DEF6: variants seen among roughly 807,000 people sequenced by gnomAD.
The protein encoded by DEF6 is DEF6 guanine nucleotide exchange factor, also known as differentially expressed in FDCP 6 homolog.
Under a neutral mutation model 80.5 loss-of-function variants are expected in DEF6, and 32 were observed. The ratio of observed to expected loss-of-function variants is 0.40; its 90% CI spans 0.30 to 0.53. DEF6 has a LOEUF of 0.53. Among genes scored for constraint, DEF6 ranks in the 20% least tolerant of loss-of-function variants. The pLI, the probability that DEF6 is intolerant of heterozygous loss-of-function variation, is 0.57. For missense variants in DEF6, 575 were observed against 818.7 expected (o/e 0.70, Z 3.63); for synonymous variants, 300 against 337.9 (o/e 0.89, Z 1.23).
chr6:35,299,646 G>C (rs1470689191), intron 1 of DEF6, among the ~76,000 whole-genome samples: 1 of 152,174 alleles, frequency 6.6e-6, no homozygotes, highest in African/African-American at 2.4e-5. Flanking sequence ...ACTGTCCACT[G>C]TCTGTACCTC....
At chr6:35,305,331 A>C (rs545872163) in intron 1 of DEF6, among the ~76,000 whole-genome samples, 1 of 150,578 alleles carries the variant, frequency 6.6e-6, no homozygotes, top group Non-Finnish European at 1.5e-5. Flanking sequence ...TTACAAAAAA[A>C]TTTTTTAACT....
rs1402546273 is a variant in DEF6 at position 35,312,373 on chromosome 6, T to G, written c.495T>G (p.Leu165=). Residue 165 remains leucine, a synonymous_variant, in exon 4 of 11, where the codon CTT becomes CTG. Transcript: ENST00000316637. The surrounding 1 kb of genome is among the most constrained non-coding windows in gnomAD (Gnocchi z 6.6). ...TGAGCTTGGGTGAGCTGGAGGAGCT[T>G]CTGGCCCAGGAGGCCCAGGTGGCCC... is the stretch of plus-strand genomic sequence containing the variant. ...LEVSLGELEE[L]LAQEAQVAQT... The G allele has an allele frequency of 3.7e-6, 6 of 1,614,122 alleles. No homozygotes were observed. In the South Asian group the frequency reaches 5.5e-5, roughly 15 times the overall value.
rs778668461 is a variant in DEF6, at chr6:35,312,616, C to G, written c.661-10C>G. The G allele has an allele frequency of 6.2e-7, 1 of 1,614,062 alleles. No individual in the cohort carries two copies. The highest frequency in any genetic ancestry group is 8.5e-7 in the Non-Finnish European group (1 of 1,180,036). On this transcript the variant is annotated splice_polypyrimidine_tract_variant and intron_variant, in intron 4 of 10. Coordinates refer to ENST00000316637, the MANE Select transcript of DEF6 (RefSeq NM_022047.4). The surrounding 1 kb of genome is among the most constrained non-coding windows in gnomAD (Gnocchi z 6.6). ...GCCTGGGAAGCCTCTGACGTAACTC[C>G]GGCTGGCAGGGCTACCTGTGGAAGC...
chr6:35,300,299 T>TTA (rs1315697939), intron 1 of DEF6, among the ~76,000 whole-genome samples: 1 of 152,196 alleles, frequency 6.6e-6, no homozygotes, highest in African/African-American at 2.4e-5. Context: ...GTAGCTGGAA[T>TTA]TATAGTCTTG....
Position 35,318,573 on chromosome 6 carries a change from G to A in DEF6, c.1215+102G>A. 1.7e-6 allele frequency: 2 copies of A among 1,173,172 alleles called. No individual in the cohort carries two copies. Among genetic ancestry groups the A allele is most frequent in the Non-Finnish European group, 2.2e-6 (2 of 905,990 alleles). 72.7% of individuals were successfully genotyped at this position (1,173,172 alleles called of 1,614,324 possible). ...GCCTGGGCAGAGGGCGGAGCTCCTG[G>A]GTTGAGGGGCGTGCACTGGGGTGGA... On this transcript the variant is annotated intron_variant, in intron 7 of 10. Coordinates refer to ENST00000316637, the MANE Select transcript of DEF6 (RefSeq NM_022047.4). The surrounding 1 kb of genome is among the most constrained non-coding windows in gnomAD (Gnocchi z 5.1).
rs1180794582 is a variant in DEF6 at position 35,321,757 on chromosome 6, T to C, written c.*347T>C. On this transcript the variant is annotated 3_prime_UTR_variant, in exon 11 of 11. Transcript: ENST00000316637. ...TGGAAGCACATTTCTAAATAAAAACTGCTCTTAGAATGAATTATTGGCTCA... is the reference window on the plus strand; with the variant it reads ...TGGAAGCACATTTCTAAATAAAAACCGCTCTTAGAATGAATTATTGGCTCA... 4.9e-6 allele frequency: 1 copy of C among 206,108 alleles called. No homozygotes were observed. The highest frequency in any genetic ancestry group is 9.7e-6 in the Non-Finnish European group (1 of 103,420). The allele number at this position is 206,108 out of a possible 1,614,324, so 12.8% of individuals were successfully genotyped here. A position where few individuals can be genotyped will look rare whatever the true frequency, so the allele number is the denominator to read the frequency against.
At chr6:35,300,116 G>A (rs1445558447) in intron 1 of DEF6, among the ~76,000 whole-genome samples, 1 of 152,134 alleles carries the variant, frequency 6.6e-6, no homozygotes, top group Non-Finnish European at 1.5e-5. Flanking sequence ...CAAACTCCTG[G>A]GTTCAAGCGA....
chr6:35,304,399 C>G (rs995677770), intron 1 of DEF6, among the ~76,000 whole-genome samples: 1 of 152,184 alleles, frequency 6.6e-6, no homozygotes, highest in Non-Finnish European at 1.5e-5. Context: ...TAAGTAAAAA[C>G]AGGGAGGAGG....
Position 35,318,156 on chromosome 6 carries a change from C to T in DEF6, c.917-17C>T, listed in dbSNP as rs775842620. 1 of 1,543,546 alleles carries T rather than the reference C, an allele frequency of 6.5e-7. No individual in the cohort carries two copies. ...CGTGTGCGAGGATCCTACTGACCCG[C>T]TCCCGCTCTTCGGCAGCCATCCAGA... is the stretch of plus-strand genomic sequence containing the variant. On this transcript the variant is annotated splice_polypyrimidine_tract_variant and intron_variant, in intron 6 of 10. Transcript: ENST00000316637. The surrounding 1 kb of genome is among the most constrained non-coding windows in gnomAD (Gnocchi z 5.1).
intron 1 of DEF6, among the ~76,000 whole-genome samples, chr6:35,308,486 A>G (rs1791420996): frequency 6.6e-6 from 1 of 152,014 alleles, no homozygotes; most frequent in African/African-American, 2.4e-5. Context: ...CAGCCTGGCC[A>G]ACATGGTGAA....
intron 5 of DEF6, among the ~76,000 whole-genome samples, chr6:35,315,030 C>G (rs1025015785): frequency 1.3e-5 from 2 of 152,134 alleles, no homozygotes; most frequent in Non-Finnish European, 2.9e-5. Context: ...AAGGACTGTT[C>G]TTTCCCCATT....
In DEF6 at chr6:35,320,881, C is replaced by T; in HGVS notation, c.1582-3C>T. 1.2e-6 allele frequency: 2 copies of T among 1,605,494 alleles called. No individual in the cohort carries two copies. Among genetic ancestry groups the T allele is most frequent in the East Asian group, 2.3e-5 (1 of 44,422 alleles). On this transcript the variant is annotated splice_polypyrimidine_tract_variant and splice_region_variant and intron_variant, in intron 9 of 10. Coordinates refer to ENST00000316637, the MANE Select transcript of DEF6 (RefSeq NM_022047.4). The stretch of plus-strand genomic sequence containing the variant: ...TCACTCCCCACTGGCCCTGTCCCCA[C>T]AGGCTGCCCAGAGAAAACTGCGCCA...
chr6:35,309,053 C>A (rs554472581), intron 1 of DEF6, among the ~76,000 whole-genome samples: 1 of 152,320 alleles, frequency 6.6e-6, no homozygotes, highest in East Asian at 1.9e-4. Context: ...TCTTTGAGCC[C>A]TCTCCTCTCC....
At chr6:35,310,727 G>C in intron 3 of DEF6, 83 bp downstream of exon 3, 5 of 1,434,782 alleles carry the variant, frequency 3.5e-6, no homozygotes, top group Non-Finnish European at 4.9e-6. Flanking sequence ...ACCACCTTTG[G>C]TGCCTTCCCA....
At chr6:35,313,849 G>A (rs925349978) in intron 5 of DEF6, among the ~76,000 whole-genome samples, 1 of 151,930 alleles carries the variant, frequency 6.6e-6, no homozygotes, top group African/African-American at 2.4e-5. Flanking sequence ...TCCACTTCTG[G>A]GCACTTAGGT....
rs1791481546 is a variant in DEF6, at chr6:35,312,519, T to C, written c.641T>C (p.Ile214Thr). Reference sequence around the variant, plus strand: ...ATCCACGAGGTCTACCAGGAGCTCATCCAAGATGTCCTGAAGCAGGTCAGG... The same window carrying C: ...ATCCACGAGGTCTACCAGGAGCTCACCCAAGATGTCCTGAAGCAGGTCAGG... ...MAIHEVYQEL[I>T]QDVLKQGYLW... The change falls in exon 4 of 11, where the codon ATC (isoleucine) becomes ACC (threonine). Residue 214 changes from isoleucine to threonine, a missense_variant. Coordinates refer to ENST00000316637, the MANE Select transcript of DEF6 (RefSeq NM_022047.4). The surrounding 1 kb of genome is among the most constrained non-coding windows in gnomAD (Gnocchi z 6.6). 1 of 1,613,968 alleles carries C rather than the reference T, an allele frequency of 6.2e-7. No individual in the cohort carries two copies. Among genetic ancestry groups the C allele is most frequent in the Non-Finnish European group, 8.5e-7 (1 of 1,180,032 alleles).
chr6:35,318,335 A>AGCTGCAGGAGCTGGAGCT lies in DEF6; in HGVS notation c.1090_1107dup (p.Leu364_Glu369dup), dbSNP rs1271196150. 20 of 1,544,694 alleles carry AGCTGCAGGAGCTGGAGCT rather than the reference A, an allele frequency of 1.3e-5. No individual in the cohort carries two copies. The Admixed American group carries it at 2.6e-4, about 20-fold the overall frequency. On this transcript the variant is annotated inframe_insertion, in exon 7 of 11. Transcript: ENST00000316637. This position sits in a 1 kb window ranked among gnomAD's most constrained non-coding sequence, Gnocchi z 5.1. ...CAGCTGCAGGAGGAGAAGGAGCGGA[A>AGCTGCAGGAGCTGGAGCT]GCTGCAGGAGCTGGAGCTGCTGCAG...
At chr6:35,315,356 C>A (rs1406999073) in intron 5 of DEF6, among the ~76,000 whole-genome samples, 5 of 151,942 alleles carry the variant, frequency 3.3e-5, no homozygotes, top group Non-Finnish European at 2.9e-5. Context: ...GTGGCCAGTT[C>A]GTAGTGTATT....
intron 1 of DEF6, among the ~76,000 whole-genome samples, chr6:35,298,842 G>C (rs1791276236): frequency 6.6e-6 from 1 of 152,156 alleles, no homozygotes; most frequent in African/African-American, 2.4e-5. Flanking sequence ...CGTTCACTCT[G>C]CAAGTACTTG....
Sources: allele counts gnomAD v4.1 joint callset (sites outside exome capture counted in the v4.1 genomes callset), GRCh38; gene constraint gnomAD v4.1.1; non-coding constraint Gnocchi (gnomAD v3.1); transcripts MANE v1.5; gene names NCBI Gene and HGNC (gene_info 2026-07-23, HGNC 2026-07-21).